Variants in DUS2 observed in about 807,000 individuals in gnomAD.
DUS2 encodes dihydrouridine synthase 2.
A neutral mutation model predicts 71.3 loss-of-function variants in DUS2; 52 were observed. The ratio of observed to expected loss-of-function variants is 0.73; its 90% confidence interval spans 0.58 to 0.92. The LOEUF is 0.92. Among genes scored for constraint, DUS2 ranks in the 40% least tolerant of loss-of-function variants. The pLI is 0.00. For synonymous variants in DUS2, 204 were observed against 227.8 expected, an observed-to-expected ratio of 0.90 and a Z score of 0.94; for missense variants, 558 against 622.6, an observed-to-expected ratio of 0.90 and a Z score of 1.10.
intron 12 of DUS2, among the ~76,000 whole-genome samples, chr16:68,073,317 G>T (rs1467875489): frequency 6.6e-6 from 1 of 152,118 alleles, no homozygotes; most frequent in Non-Finnish European, 1.5e-5. Context: ...CTGTTGCCCA[G>T]GCTGGAGTGC....
intron 10 of DUS2, 73 bp from the exon 11 acceptor site, chr16:68,070,061 C>A: frequency 7.2e-7 from 1 of 1,390,256 alleles, no homozygotes; most frequent in Non-Finnish European, 1.0e-6. Context: ...TAAGGTTTGG[C>A]TGAGGTAACC....
At chr16:68,073,638 G>A (rs1174639997) in intron 12 of DUS2, among the ~76,000 whole-genome samples, 1 of 151,998 alleles carries the variant, frequency 6.6e-6, no homozygotes, top group Admixed American at 6.6e-5. Flanking sequence ...TAGTAGAGAC[G>A]GGGCTTCACC....
chr16:68,070,147 C>T lies in DUS2; in HGVS notation c.568C>T (p.Arg190Ter), dbSNP rs543624502. Residue 190 changes from arginine to a stop codon, truncating the protein, a stop_gained, in exon 11 of 17, where the codon CGA becomes TGA. Coordinates refer to ENST00000565263, the MANE Select transcript of DUS2 (RefSeq NM_017803.5). LOFTEE classifies it high-confidence loss of function. ...IAVHGRKREE[R>*]PQHPVSCEVI... Reference sequence around the variant, plus strand: ...TCTATCTCCAAGGAAGCGGGAGGAGCGACCTCAGCATCCTGTCAGCTGTGA... The same window carrying T: ...TCTATCTCCAAGGAAGCGGGAGGAGTGACCTCAGCATCCTGTCAGCTGTGA... 50 of 1,614,034 alleles carry T rather than the reference C, an allele frequency of 3.1e-5. No individual in the cohort carries two copies. The highest frequency in any genetic ancestry group is 3.9e-5 in the Non-Finnish European group (46 of 1,179,954).
chr16:68,025,146 T>C (rs553733289), intron 1 of DUS2, among the ~76,000 whole-genome samples: 71 of 152,200 alleles, frequency 4.7e-4, no homozygotes, highest in Non-Finnish European at 7.5e-4. Flanking sequence ...TATGCTACTT[T>C]TATGATTCTT....
chr16:68,074,541 T>A (rs2034131539), intron 13 of DUS2, among the ~76,000 whole-genome samples: 1 of 152,234 alleles, frequency 6.6e-6, no homozygotes, highest in Admixed American at 6.5e-5. Context: ...GACCACCTGT[T>A]GATTCTCTAG....
chr16:68,036,930 C>T (rs2033538713), intron 2 of DUS2, among the ~76,000 whole-genome samples: 1 of 151,966 alleles, frequency 6.6e-6, no homozygotes, highest in African/African-American at 2.4e-5. Flanking sequence ...TCATTAAAGC[C>T]CATGTTGACT....
chr16:68,075,301 C>T (rs1051183594), intron 13 of DUS2, 54 bp from the exon 14 acceptor site: 29 of 1,492,620 alleles, frequency 1.9e-5, no homozygotes, highest in East Asian at 2.4e-5. Context: ...CCTGCAGTAC[C>T]CTGGATGCTG....
intron 11 of DUS2, among the ~76,000 whole-genome samples, chr16:68,070,667 C>T (rs2034071591): frequency 6.6e-6 from 1 of 152,196 alleles, no homozygotes; most frequent in Admixed American, 6.5e-5. Flanking sequence ...TGTGGGCTGG[C>T]TGTAGCCACT....
At chr16:68,043,240 C>G (rs909458518) in intron 3 of DUS2, among the ~76,000 whole-genome samples, 2 of 151,952 alleles carry the variant, frequency 1.3e-5, no homozygotes, top group African/African-American at 2.4e-5. Context: ...AACCCCGTCT[C>G]TACAAAAATA....
intron 16 of DUS2, 73 bp downstream of exon 16, chr16:68,078,591 A>C (rs2034192335): frequency 6.4e-7 from 1 of 1,555,104 alleles, no homozygotes; most frequent in Non-Finnish European, 8.9e-7. Context: ...CACATCCAGC[A>C]TTGTCCTAGG....
chr16:68,048,175 T>G (rs2033731789), intron 3 of DUS2, among the ~76,000 whole-genome samples: 1 of 152,234 alleles, frequency 6.6e-6, no homozygotes, highest in Non-Finnish European at 1.5e-5. Context: ...AAAGTTCTCC[T>G]GGGTTAGCTT....
chr16:68,049,375 C>G (rs2033746714), intron 3 of DUS2, 130 bp from the exon 4 acceptor site: 1 of 876,942 alleles, frequency 1.1e-6, no homozygotes, highest in Non-Finnish European at 1.9e-6. Flanking sequence ...CTACATGTCC[C>G]AAAAGCCGTG....
chr16:68,078,455 C>T lies in DUS2; in HGVS notation c.1181C>T (p.Pro394Leu), dbSNP rs766921115. The change falls in exon 16 of 17, where the codon CCT becomes CTT. Residue 394 changes from proline to leucine, a missense_variant. Pro to Leu is a moderately conservative substitution (Grantham distance 98). Transcript: ENST00000565263. Reference protein sequence around the residue: ...AQPVYETVQRPLDRLFSSIVT... With the variant: ...AQPVYETVQRLLDRLFSSIVT... Reference sequence around the variant, plus strand: ...TTCTCTTTGTATCAGGTTCAACGCCCTCTAGATCGCCTGTTCTCCTCTATT... The same window carrying T: ...TTCTCTTTGTATCAGGTTCAACGCCTTCTAGATCGCCTGTTCTCCTCTATT... 7.4e-6 allele frequency: 12 copies of T among 1,614,048 alleles called. No homozygotes were observed. The highest frequency in any genetic ancestry group is 1.0e-5 in the Non-Finnish European group (12 of 1,180,048).
chr16:68,067,085 C>CTCCCT (rs2034017713), intron 10 of DUS2, among the ~76,000 whole-genome samples: 1 of 93,442 alleles, frequency 1.1e-5, no homozygotes, highest in Non-Finnish European at 2.1e-5. Context: ...CCCTCCCTCC[C>CTCCCT]TCCTTCCTTC....
chr16:68,061,020 T>C (rs1342385616), intron 7 of DUS2, 46 bp from the exon 8 acceptor site: 1 of 1,597,026 alleles, frequency 6.3e-7, no homozygotes, highest in South Asian at 1.1e-5. Context: ...GAGAGGGCCA[T>C]AGTGTCTCCC....
intron 10 of DUS2, among the ~76,000 whole-genome samples, chr16:68,069,919 C>T (rs1329666733): frequency 6.6e-6 from 1 of 152,212 alleles, no homozygotes; most frequent in African/African-American, 2.4e-5. Context: ...GCTGGACTTG[C>T]CGTCTCAGCA....
At chr16:68,068,220 A>G (rs1461403883) in intron 10 of DUS2, among the ~76,000 whole-genome samples, 2 of 152,206 alleles carry the variant, frequency 1.3e-5, no homozygotes, top group African/African-American at 4.8e-5. Context: ...TCTTATAGGA[A>G]GAGCCCAAGT....
At chr16:68,042,042 G>C (rs946676111) in intron 3 of DUS2, among the ~76,000 whole-genome samples, 1 of 151,966 alleles carries the variant, frequency 6.6e-6, no homozygotes, top group African/African-American at 2.4e-5. Flanking sequence ...CCCAGCCACT[G>C]GTAACTACCA....
intron 14 of DUS2, 28 bp from the exon 15 acceptor site, chr16:68,076,604 C>T (rs1432371463): frequency 1.3e-6 from 2 of 1,581,466 alleles, no homozygotes; most frequent in South Asian, 1.1e-5. Flanking sequence ...TGGTGGGTGA[C>T]CCCAACTGCT....
Sources: allele counts gnomAD v4.1 joint callset (sites outside exome capture counted in the v4.1 genomes callset), GRCh38; gene constraint gnomAD v4.1.1; transcripts MANE v1.5; gene names NCBI Gene and HGNC (gene_info 2026-07-23, HGNC 2026-07-21).